The following S100A4 variants were observed in gnomAD, a reference collection of about 807,000 sequenced individuals.
S100A4 encodes S100 calcium binding protein A4.
A neutral mutation model predicts 6.3 loss-of-function variants in S100A4; 4 were observed. The observed-to-expected ratio is 0.64, with a 90% CI of 0.31 to 1.46. The LOEUF (loss-of-function observed/expected upper bound fraction) is 1.46, where lower values mean the gene tolerates loss of function less well. Ranked by LOEUF, S100A4 falls within the 40% of genes most tolerant of loss-of-function variation. S100A4 has a pLI of 0.07. For synonymous variants in S100A4, 44 were observed against 47.6 expected, an observed-to-expected ratio of 0.92 and a Z score of 0.32; for missense variants, 108 against 120.8, an observed-to-expected ratio of 0.89 and a Z score of 0.50.
chr1:153,545,142 C>T (rs558054185), intron 1 of S100A4: 43 of 229,696 alleles, frequency 1.9e-4, no homozygotes, highest in Non-Finnish European at 3.3e-4. Context: ...GCCACAAAGG[C>T]CCCGCCCTTG....
rs1665500611 is a variant in S100A4, at chr1:153,544,638, G to A, written c.141+16C>T. 6.2e-7 allele frequency: 1 copy of A among 1,614,134 alleles called. No homozygotes were observed. ...AATGCCCCACGTGGGGACTCACTCA[G>A]GCACTACCCACTCACCCCCAAGAAG... On this transcript the variant is annotated intron_variant, in intron 2 of 2. Coordinates refer to ENST00000368716, the MANE Select transcript of S100A4 (RefSeq NM_002961.3).
At chr1:153,544,083 T>C in intron 2 of S100A4, 160 bp from the exon 3 acceptor site, 1 of 691,504 alleles carries the variant, frequency 1.4e-6, no homozygotes, top group Non-Finnish European at 2.4e-6. Flanking sequence ...GAGAAGGTGC[T>C]CCTTGGATAA....
chr1:153,543,870 G>A lies in S100A4; in HGVS notation c.195C>T (p.Asn65=). The part of the protein sequence containing the change: ...FQKLMSNLDS[N]RDNEVDFQEY... The stretch of plus-strand genomic sequence containing the variant: ...CTTGGAAGTCCACCTCGTTGTCCCT[G>A]TTGCTGTCCAAGTTGCTCATCAGCT... Residue 65 remains asparagine, a synonymous_variant, in exon 3 of 3, where the codon AAC becomes AAT. Coordinates refer to ENST00000368716, the MANE Select transcript of S100A4 (RefSeq NM_002961.3). 1 of 1,614,220 alleles carries A rather than the reference G, an allele frequency of 6.2e-7. No homozygotes were observed. The highest frequency in any genetic ancestry group is 8.5e-7 in the Non-Finnish European group (1 of 1,180,046).
chr1:153,545,169 C>T (rs1665521001), intron 1 of S100A4: 1 of 215,182 alleles, frequency 4.6e-6, no homozygotes, highest in Non-Finnish European at 9.6e-6. Flanking sequence ...TTTTCCCTCC[C>T]AGAACTGGGT....
chr1:153,544,690 C>T lies in S100A4; in HGVS notation c.105G>A (p.Lys35=), dbSNP rs1443183351. The T allele has an allele frequency of 3.1e-6, 5 of 1,614,244 alleles. No individual in the cohort carries two copies. Among genetic ancestry groups the T allele is most frequent in the Middle Eastern group, 1.6e-4 (1 of 6,062 alleles). ...TGGGCAGCTCCCGGGTCAGCAGCTC[C>T]TTTAGTTCTGACTTGTTGAGCTTGA... ...DKFKLNKSEL[K]ELLTRELPSF... Residue 35 remains lysine, a synonymous_variant, in exon 2 of 3, where the codon AAG becomes AAA. Coordinates refer to ENST00000368716, the MANE Select transcript of S100A4 (RefSeq NM_002961.3).
intron 1 of S100A4, 125 bp from the exon 2 acceptor site, chr1:153,544,934 GC>G: frequency 8.0e-7 from 1 of 1,254,350 alleles, no homozygotes. Context: ...CCCTGGGGGA[GC>G]CCAGAGCAGT....
chr1:153,544,910 A>G (rs1665512048), intron 1 of S100A4, 101 bp from the exon 2 acceptor site: 1 of 1,466,616 alleles, frequency 6.8e-7, no homozygotes, highest in Admixed American at 1.9e-5. Flanking sequence ...GCACTTGGCG[A>G]GACTCTGCTC....
At position 153,543,737 on chromosome 1, in the gene S100A4, C is replaced by A. The variant is rs960314815; in HGVS notation, c.*22G>T. The A allele has an allele frequency of 3.1e-6, 5 of 1,609,498 alleles. No individual in the cohort carries two copies. Among genetic ancestry groups the A allele is most frequent in the Middle Eastern group, 1.8e-4 (1 of 5,476 alleles). ...AGGGAGGGCCCCAGCTGGCAGACCC[C>A]CCAACCACATCAGAGGAGTTTTCAT... On this transcript the variant is annotated 3_prime_UTR_variant, in exon 3 of 3. Transcript: ENST00000368716.
Position 153,544,597 on chromosome 1 carries a change from G to C in S100A4, c.141+57C>G, listed in dbSNP as rs145761490. 346 of 1,607,324 alleles carry C rather than the reference G, an allele frequency of 2.2e-4. 5 individuals carry two copies. The East Asian group carries it at 7.6e-3, about 35-fold the overall frequency. The stretch of plus-strand genomic sequence containing the variant: ...GCTAATGCTCTAGAGCAAGACTGCT[G>C]CCCTCCTCTGTGGGAAATGCCCCAC... On this transcript the variant is annotated intron_variant, in intron 2 of 2. Coordinates refer to ENST00000368716, the MANE Select transcript of S100A4 (RefSeq NM_002961.3).
intron 2 of S100A4, 143 bp downstream of exon 2, chr1:153,544,511 G>A: frequency 9.8e-7 from 1 of 1,023,192 alleles, no homozygotes; most frequent in East Asian, 2.4e-5. Flanking sequence ...CAGGCAGTGA[G>A]TGGTGGTGTT....
chr1:153,544,582 T>C, intron 2 of S100A4, 72 bp downstream of exon 2: 1 of 1,589,866 alleles, frequency 6.3e-7, no homozygotes, highest in Middle Eastern at 1.7e-4. Context: ...GCTAATGCTC[T>C]AGAGCAAGAC....
chr1:153,545,044 G>A (rs549148256), intron 1 of S100A4: 3 of 475,278 alleles, frequency 6.3e-6, no homozygotes, highest in African/African-American at 3.9e-5. Context: ...TGGAGATTCG[G>A]GCAGCAAACT....
At chr1:153,544,495 T>C (rs1189687305) in intron 2 of S100A4, among the ~76,000 whole-genome samples, 159 bp downstream of exon 2, 1 of 152,228 alleles carries the variant, frequency 6.6e-6, no homozygotes, top group Non-Finnish European at 1.5e-5. Context: ...TCTTTCAGCA[T>C]GGGGCCAGGC....
intron 2 of S100A4, 145 bp downstream of exon 2, chr1:153,544,505 CAGTG>C: frequency 1.0e-6 from 1 of 978,132 alleles, no homozygotes; most frequent in Non-Finnish European, 1.6e-6. Flanking sequence ...TGGGGCCAGG[CAGTG>C]AGTGGTGGTG....
At chr1:153,545,096 C>G in intron 1 of S100A4, 2 of 350,342 alleles carry the variant, frequency 5.7e-6, no homozygotes, top group Non-Finnish European at 5.4e-6. Flanking sequence ...AGCATTTTTT[C>G]CACCCCTCAC....
At chr1:153,544,953 C>G (rs570325073) in intron 1 of S100A4, 144 bp from the exon 2 acceptor site, 1 of 968,436 alleles carries the variant, frequency 1.0e-6, no homozygotes, top group Non-Finnish European at 1.5e-6. Context: ...AGTGGGCCCC[C>G]GCACCTGGCT....
chr1:153,543,684 T>C lies in S100A4; in HGVS notation c.*75A>G. The C allele has an allele frequency of 2.8e-6, 4 of 1,404,230 alleles. No individual in the cohort carries two copies. The highest frequency in any genetic ancestry group is 3.9e-6 in the Non-Finnish European group (4 of 1,014,248). 87.0% of individuals were successfully genotyped at this position (1,404,230 alleles called of 1,614,324 possible). A position where few individuals can be genotyped will look rare whatever the true frequency, so the allele number is the denominator to read the frequency against. ...AAGCACGTGTCTGAAGGAGCCAGGG[T>C]GGAAAAAAAAAAGTGCCCACTGGCG... is the stretch of plus-strand genomic sequence containing the variant. On this transcript the variant is annotated 3_prime_UTR_variant, in exon 3 of 3. Coordinates refer to ENST00000368716, the MANE Select transcript of S100A4 (RefSeq NM_002961.3).
intron 2 of S100A4, 159 bp from the exon 3 acceptor site, chr1:153,544,082 C>T: frequency 2.9e-6 from 2 of 692,980 alleles, no homozygotes; most frequent in Admixed American, 2.8e-5. Flanking sequence ...GGAGAAGGTG[C>T]TCCTTGGATA....
intron 2 of S100A4, 96 bp from the exon 3 acceptor site, chr1:153,544,019 G>A (rs1665476606): frequency 1.4e-6 from 2 of 1,382,862 alleles, no homozygotes; most frequent in Non-Finnish European, 2.0e-6. Context: ...GTTCAGGGAG[G>A]CTCCTTTGGG....
Sources: allele counts gnomAD v4.1 joint callset (sites outside exome capture counted in the v4.1 genomes callset), GRCh38; gene constraint gnomAD v4.1.1; transcripts MANE v1.5; gene names NCBI Gene and HGNC (gene_info 2026-07-23, HGNC 2026-07-21).